Variants in SLC4A2 observed in about 807,000 individuals in gnomAD.
SLC4A2 encodes solute carrier family 4 member 2, also known as anion exchange protein 2.
Under a neutral mutation model 115.0 loss-of-function variants are expected in SLC4A2, and 36 were observed. The observed-to-expected ratio is 0.31, with a 90% confidence interval of 0.24 to 0.41. The LOEUF (loss-of-function observed/expected upper bound fraction) is 0.41, where lower values mean the gene tolerates loss of function less well. SLC4A2 is among the 10% of genes least tolerant of loss of function. SLC4A2 has a pLI of 1.00. For missense variants in SLC4A2, 1,252 were observed against 1,705.6 expected (o/e 0.73, Z 4.68); for synonymous variants, 708 against 708.3 (o/e 1.00, Z 0.01).
At chr7:151,063,144 C>T in intron 2 of SLC4A2, 3 of 1,308,038 alleles carry the variant, frequency 2.3e-6, no homozygotes, top group Non-Finnish European at 3.0e-6. Context: ...CATTCCCTGC[C>T]GGCTGTGCCG....
intron 2 of SLC4A2, chr7:151,062,602 T>TC: frequency 6.7e-7 from 1 of 1,500,398 alleles, no homozygotes; most frequent in Admixed American, 2.2e-5. Context: ...CACAGGCTGG[T>TC]CCCCTCCCCC....
intron 8 of SLC4A2, among the ~76,000 whole-genome samples, chr7:151,068,830 T>TC (rs1797324267): frequency 2.0e-4 from 29 of 146,590 alleles, no homozygotes; most frequent in Middle Eastern, 3.5e-3. Flanking sequence ...TAAAATTAAA[T>TC]TAAAAAAAAA....
rs980727191 is a variant in SLC4A2 at position 151,071,828 on chromosome 7, C to T, written c.2331C>T (p.Ala777=). 1 of 1,602,666 alleles carries T rather than the reference C, an allele frequency of 6.2e-7. No individual in the cohort carries two copies. Among genetic ancestry groups the T allele is most frequent in the Admixed American group, 1.7e-5 (1 of 57,654 alleles). ...GGCCCCTGCTGGTCTTTGAGGAGGC[C>T]TTCTTCTCGGTGAGGGCTCTTCTCG... ...FSGPLLVFEE[A]FFSFCSSNHL... is the part of the protein sequence containing the mutation. The change falls in exon 15 of 23, where the codon GCC becomes GCT. Residue 777 remains alanine (A), a synonymous_variant. Transcript: ENST00000413384. The surrounding 1 kb of genome is among the most constrained non-coding windows in gnomAD (Gnocchi z 5.5).
intron 16 of SLC4A2, among the ~76,000 whole-genome samples, chr7:151,073,773 T>C (rs1427207085): frequency 1.3e-5 from 2 of 152,282 alleles, no homozygotes; most frequent in East Asian, 3.9e-4. Flanking sequence ...GTCCTCTTCC[T>C]TTAGGCCCCT....
At chr7:151,073,588 AATAC>A (rs1289434816) in intron 16 of SLC4A2, among the ~76,000 whole-genome samples, 6 of 152,170 alleles carry the variant, frequency 3.9e-5, no homozygotes, top group Non-Finnish European at 7.3e-5. Flanking sequence ...ATTTTTAAAA[AATAC>A]ATTATTTTTA....
chr7:151,064,572 C>A lies in SLC4A2; in HGVS notation c.264C>A (p.His88Gln). The A allele has an allele frequency of 6.2e-7, 1 of 1,612,524 alleles. No individual in the cohort carries two copies. The highest frequency in any genetic ancestry group is 8.5e-7 in the Non-Finnish European group (1 of 1,179,970). The change falls in exon 4 of 23, where the codon CAC becomes CAA. Residue 88 changes from histidine (H) to glutamine (Q), a missense_variant. Transcript: ENST00000413384. ...SHHIHHPLST[H>Q]LPPDARRRKT... ...ACATCCATCACCCACTGTCCACCCA[C>A]CTGCCTCCGGATGCACGCCGCCGCA...
rs750554724 is a variant in SLC4A2 at position 151,064,737 on chromosome 7, G to A, written c.429G>A (p.Pro143=). The A allele has an allele frequency of 5.8e-5, 94 of 1,610,842 alleles. No individual in the cohort carries two copies. The highest frequency in any genetic ancestry group is 1.5e-4 in the Admixed American group (9 of 59,868). The change falls in exon 4 of 23, where the codon CCG becomes CCA. Residue 143 remains proline, a synonymous_variant. Coordinates refer to ENST00000413384, the MANE Select transcript of SLC4A2 (RefSeq NM_003040.4). ...EAEGARALTQ[P]SPVSTPSSVQ... ...AGGGGGCCCGGGCTCTCACTCAGCC[G>A]TCCCCTGTCTCCACACCCTCCTCGG...
At chr7:151,067,793 C>T in intron 7 of SLC4A2, 81 bp from the exon 8 acceptor site, 3 of 1,273,854 alleles carry the variant, frequency 2.4e-6, no homozygotes, top group Non-Finnish European at 1.1e-6. Flanking sequence ...TTGGCTCCCT[C>T]TGACACCACT....
chr7:151,075,216 G>A (rs748493308), intron 19 of SLC4A2, 39 bp from the exon 20 acceptor site: 1 of 1,608,898 alleles, frequency 6.2e-7, no homozygotes, highest in Non-Finnish European at 8.5e-7. Flanking sequence ...GCGGAGCTGA[G>A]TCCAGCCTGG....
rs1797411755 is a variant in SLC4A2, at chr7:151,070,845, C to T, written c.1683C>T (p.Gly561=). The T allele has an allele frequency of 2.5e-6, 4 of 1,613,774 alleles. No homozygotes were observed. The highest frequency in any genetic ancestry group is 3.4e-6 in the Non-Finnish European group (4 of 1,180,028). The change falls in exon 12 of 23, where the codon GGC becomes GGT. Residue 561 remains glycine (G), a synonymous_variant. Transcript: ENST00000413384. ...VPVRFLFLLL[G]PSSANMDYHE... ...TGCGTTTCCTCTTCCTGCTGCTGGG[C>T]CCGAGTAGTGCCAACATGGACTACC... is the stretch of plus-strand genomic sequence containing the variant.
intron 6 of SLC4A2, 28 bp downstream of exon 6, chr7:151,066,789 G>A: frequency 1.3e-6 from 2 of 1,585,286 alleles, no homozygotes; most frequent in Non-Finnish European, 1.7e-6. Flanking sequence ...GCCAAGCCCG[G>A]CACTGGTGGG....
In SLC4A2 at chr7:151,071,334, AG is replaced by A; in HGVS notation, c.1975+42del. On this transcript the variant is annotated intron_variant, in intron 13 of 22. Coordinates refer to ENST00000413384, the MANE Select transcript of SLC4A2 (RefSeq NM_003040.4). This position sits in a 1 kb window ranked among gnomAD's most constrained non-coding sequence, Gnocchi z 5.5. ...GCGGGCTGGGGCCAGGGCTGCCTCG[AG>A]GGGGTGAGGTGGGCAAGAGGGGCTG... is the stretch of plus-strand genomic sequence containing the variant. 1 of 1,543,860 alleles carries A rather than the reference AG, an allele frequency of 6.5e-7. No individual in the cohort carries two copies. The highest frequency in any genetic ancestry group is 8.7e-7 in the Non-Finnish European group (1 of 1,147,778).
At chr7:151,063,833 A>G (rs1393125317) in intron 2 of SLC4A2, among the ~76,000 whole-genome samples, 7 of 152,096 alleles carry the variant, frequency 4.6e-5, no homozygotes, top group Admixed American at 1.3e-4. Context: ...GGTTCAAGTA[A>G]TTCTCCTGCC....
chr7:151,069,548 A>G (rs1797357002), intron 8 of SLC4A2, among the ~76,000 whole-genome samples: 3 of 152,204 alleles, frequency 2.0e-5, no homozygotes, highest in African/African-American at 7.2e-5. Context: ...CTAGGCCCCT[A>G]GAGTGACACA....
rs755726450 is a variant in SLC4A2 at position 151,070,782 on chromosome 7, T to C, written c.1620T>C (p.Ala540=). The change falls in exon 12 of 23, where the codon GCT becomes GCC. Residue 540 remains alanine (A), a synonymous_variant. Coordinates refer to ENST00000413384, the MANE Select transcript of SLC4A2 (RefSeq NM_003040.4). The part of the protein sequence containing the change: ...PTMAFVRLRE[A]VELDAVLEVP... Reference sequence around the variant, plus strand: ...TGGCCTTTGTGCGGCTCCGGGAGGCTGTGGAGTTGGACGCAGTGTTGGAGG... The same window carrying C: ...TGGCCTTTGTGCGGCTCCGGGAGGCCGTGGAGTTGGACGCAGTGTTGGAGG... 1 of 1,614,020 alleles carries C rather than the reference T, an allele frequency of 6.2e-7. No homozygotes were observed. Among genetic ancestry groups the C allele is most frequent in the South Asian group, 1.1e-5 (1 of 91,080 alleles).
In SLC4A2 at chr7:151,076,434, T is replaced by A; in HGVS notation, c.*67T>A. 8.3e-7 allele frequency: 1 copy of A among 1,210,264 alleles called. No homozygotes were observed. Among genetic ancestry groups the A allele is most frequent in the Non-Finnish European group, 1.1e-6 (1 of 894,054 alleles). 75.0% of individuals were successfully genotyped at this position (1,210,264 alleles called of 1,614,324 possible). ...CAGGCTGGTGGGATGGGGTTCCCCCTCCCATGCCCCTCCCTCCTTTTTATT... is the reference window on the plus strand; with the variant it reads ...CAGGCTGGTGGGATGGGGTTCCCCCACCCATGCCCCTCCCTCCTTTTTATT... On this transcript the variant is annotated 3_prime_UTR_variant, in exon 23 of 23. Coordinates refer to ENST00000413384, the MANE Select transcript of SLC4A2 (RefSeq NM_003040.4).
In SLC4A2 at chr7:151,074,722, G is replaced by A. The variant is rs756035232; in HGVS notation, c.2928G>A (p.Arg976=). The A allele has an allele frequency of 6.2e-6, 10 of 1,611,716 alleles. No individual in the cohort carries two copies. The highest frequency in any genetic ancestry group is 1.7e-4 in the Middle Eastern group (1 of 6,046). ...TCTCGGTGACTGCCCCAGAAAAGAG[G>A]GGCTGGGTCATCAACCCCCTGGGAG... The part of the protein sequence containing the change: ...SGFSVTAPEK[R]GWVINPLGEK... The change falls in exon 19 of 23, where the codon AGG becomes AGA. Residue 976 remains arginine, a synonymous_variant. Transcript: ENST00000413384.
At position 151,074,163 on chromosome 7, in the gene SLC4A2, G is replaced by A. The variant is rs1163912462; in HGVS notation, c.2660G>A (p.Gly887Glu). 1.2e-6 allele frequency: 2 copies of A among 1,612,822 alleles called. No individual in the cohort carries two copies. Among genetic ancestry groups the A allele is most frequent in the Admixed American group, 3.3e-5 (2 of 60,006 alleles). ...GGGCCGGGCAACAGGAGCTTGGCTG[G>A]GCAGTCTGGGCAGGGGAAGCCCCGG... The part of the protein sequence containing the change: ...TLGPGNRSLA[G>E]QSGQGKPRGQ... The change falls in exon 17 of 23, where the codon GGG becomes GAG. Residue 887 changes from glycine to glutamate, a missense_variant. Physicochemically the swap from Gly to Glu is moderately conservative, Grantham distance 98. Around this residue, in one of 14 missense-constraint regions of SLC4A2, gnomAD observed 55 missense variants for 48.6 expected, o/e 1.13. Coordinates refer to ENST00000413384, the MANE Select transcript of SLC4A2 (RefSeq NM_003040.4).
chr7:151,063,207 G>A, intron 2 of SLC4A2: 2 of 1,381,490 alleles, frequency 1.4e-6, no homozygotes, highest in Non-Finnish European at 1.9e-6. Context: ...CTGTGGGGGT[G>A]GGGTGAGGGG....
Sources: allele counts gnomAD v4.1 joint callset (sites outside exome capture counted in the v4.1 genomes callset), GRCh38; gene constraint gnomAD v4.1.1; regional missense constraint gnomAD v4.1.1; non-coding constraint Gnocchi (gnomAD v3.1); transcripts MANE v1.5; gene names NCBI Gene and HGNC (gene_info 2026-07-23, HGNC 2026-07-21).